The following DSCAM variants were observed in gnomAD, a reference collection of about 807,000 sequenced individuals.
DSCAM encodes the protein DS cell adhesion molecule, also known as cell adhesion molecule DSCAM.
Under a neutral mutation model 217.7 loss-of-function variants are expected in DSCAM, and 47 were observed. That is an observed-to-expected ratio of 0.22 (90% CI 0.17 to 0.28). DSCAM has a LOEUF of 0.28. Ranked by LOEUF, DSCAM falls within the 10% of genes least tolerant of loss-of-function variation. The probability of loss-of-function intolerance (pLI) is 1.00; values close to 1 mark genes in which losing one functional copy is unlikely to be tolerated. For missense variants in DSCAM, 2,080 were observed against 2,618.3 expected (o/e 0.79, Z 4.49); for synonymous variants, 1,056 against 1,015.3 (o/e 1.04, Z -0.76).
chr21:40,175,805 A>ACGCACG (rs1555886103), intron 15 of DSCAM, among the ~76,000 whole-genome samples: 15 of 112,536 alleles, frequency 1.3e-4, no homozygotes, highest in African/African-American at 4.6e-4. Context: ...ACACACACAC[A>ACGCACG]CACGCACACA....
rs35564463 is a variant in DSCAM, at chr21:40,369,385, CGTGTGTGT to C, written c.509-148_509-141del. 1,397 of 385,380 alleles carry C rather than the reference CGTGTGTGT, an allele frequency of 3.6e-3. 2 individuals carry two copies. The highest frequency in any genetic ancestry group is 7.5e-3 in the African/African-American group (348 of 46,270). 23.9% of individuals were successfully genotyped at this position (385,380 alleles called of 1,614,324 possible). On this transcript the variant is annotated intron_variant, in intron 3 of 32. Transcript: ENST00000400454. ...GGCTAAAAATGGGTGCGTGCGTCTG[CGTGTGTGT>C]GTGTGTGTGTGTGTGTGTGTGTGTG...
At chr21:40,457,732 G>A (rs2075775298) in intron 3 of DSCAM, among the ~76,000 whole-genome samples, 1 of 152,158 alleles carries the variant, frequency 6.6e-6, no homozygotes, top group Non-Finnish European at 1.5e-5. Context: ...TATTTACAAT[G>A]TGAATGTGCT....
At chr21:40,578,125 A>G (rs1031738091) in intron 3 of DSCAM, among the ~76,000 whole-genome samples, 9 of 152,220 alleles carry the variant, frequency 5.9e-5, no homozygotes, top group African/African-American at 2.2e-4. Flanking sequence ...GAACAGAAGA[A>G]CCCTCATGCA....
At chr21:40,430,331 T>C (rs1032390022) in intron 3 of DSCAM, among the ~76,000 whole-genome samples, 1 of 152,206 alleles carries the variant, frequency 6.6e-6, no homozygotes, top group Non-Finnish European at 1.5e-5. Context: ...ACAAAGGAGA[T>C]TAACATTTGA....
At chr21:40,485,233 CTTTCT>C (rs1194212992) in intron 3 of DSCAM, among the ~76,000 whole-genome samples, 6 of 132,994 alleles carry the variant, frequency 4.5e-5, no homozygotes, top group African/African-American at 1.2e-4. Context: ...CACTGACTTT[CTTTCT>C]TTTTTTTTTT....
intron 3 of DSCAM, among the ~76,000 whole-genome samples, chr21:40,435,838 T>C (rs1201082280): frequency 1.3e-5 from 2 of 152,212 alleles, no homozygotes; most frequent in African/African-American, 4.8e-5. Context: ...ACCCATTCAA[T>C]AGAAACCATA....
intron 3 of DSCAM, among the ~76,000 whole-genome samples, chr21:40,429,798 T>C (rs879811676): frequency 1.3e-5 from 2 of 152,246 alleles, no homozygotes. Context: ...AATATGTTAC[T>C]TATTTTACTT....
chr21:40,529,062 C>A (rs559559306), intron 3 of DSCAM, among the ~76,000 whole-genome samples: 84 of 152,012 alleles, frequency 5.5e-4, no homozygotes, highest in African/African-American at 1.9e-3. Flanking sequence ...TGCCACCACC[C>A]CCGGCTAATT....
At chr21:40,187,032 G>A in intron 14 of DSCAM, 99 bp downstream of exon 14, 1 of 1,457,498 alleles carries the variant, frequency 6.9e-7, no homozygotes, top group Non-Finnish European at 9.3e-7. Flanking sequence ...GAGCTCCTGT[G>A]AGCTGAGCTG....
intron 3 of DSCAM, among the ~76,000 whole-genome samples, chr21:40,458,759 A>G (rs544368369): frequency 1.3e-5 from 2 of 152,280 alleles, no homozygotes; most frequent in Admixed American, 6.5e-5. Flanking sequence ...CAGATAATTC[A>G]TATTCCTTCC....
At chr21:40,272,863 T>C (rs2073637570) in intron 11 of DSCAM, among the ~76,000 whole-genome samples, 1 of 152,128 alleles carries the variant, frequency 6.6e-6, no homozygotes, top group Non-Finnish European at 1.5e-5. Flanking sequence ...CTCCTTTATA[T>C]CTATTTTTTT....
intron 18 of DSCAM, among the ~76,000 whole-genome samples, chr21:40,136,775 G>C (rs898583281): frequency 1.3e-5 from 2 of 151,998 alleles, no homozygotes; most frequent in Non-Finnish European, 2.9e-5. Flanking sequence ...GTGACCCTCC[G>C]GCAAATACTT....
At chr21:40,655,446 C>CT (rs376852214) in intron 3 of DSCAM, among the ~76,000 whole-genome samples, 20,904 of 138,748 alleles carry the variant, frequency 0.15, 1,843 homozygotes, top group Admixed American at 0.24. Context: ...ATCTGTCTCT[C>CT]TTTTTTTTTT....
chr21:40,839,693 A>C (rs2092084862), intron 1 of DSCAM, among the ~76,000 whole-genome samples: 1 of 151,592 alleles, frequency 6.6e-6, no homozygotes, highest in Non-Finnish European at 1.5e-5. Flanking sequence ...ACGTTAGGGG[A>C]AGCTAGCATT....
intron 20 of DSCAM, among the ~76,000 whole-genome samples, chr21:40,097,986 G>T (rs74982164): frequency 2.3e-5 from 2 of 87,762 alleles, no homozygotes; most frequent in Admixed American, 1.0e-4. Context: ...AAGAAAGAAA[G>T]AAAGAAAGAA....
At chr21:40,049,802 C>T (rs999924386) in intron 30 of DSCAM, among the ~76,000 whole-genome samples, 8 of 152,168 alleles carry the variant, frequency 5.3e-5, no homozygotes, top group African/African-American at 9.6e-5. Context: ...GCTGTGACTC[C>T]GGTTCATGTC....
chr21:40,450,700 T>C (rs1370624847), intron 3 of DSCAM, among the ~76,000 whole-genome samples: 4 of 152,254 alleles, frequency 2.6e-5, no homozygotes, highest in South Asian at 2.1e-4. Flanking sequence ...GGGTCTATGT[T>C]ACATATGATT....
At chr21:40,772,157 A>G (rs1179540750) in intron 1 of DSCAM, among the ~76,000 whole-genome samples, 1 of 152,112 alleles carries the variant, frequency 6.6e-6, no homozygotes, top group African/African-American at 2.4e-5. Context: ...TAGGTTTAAA[A>G]AGTGATTTGT....
intron 3 of DSCAM, among the ~76,000 whole-genome samples, chr21:40,534,850 A>C (rs2076482666): frequency 6.6e-6 from 1 of 152,198 alleles, no homozygotes. Flanking sequence ...GTACAGAATG[A>C]CATCAAATCA....
Sources: gnomAD v4.1 joint callset for allele counts (sites outside exome capture counted in the v4.1 genomes callset) on GRCh38, gnomAD v4.1.1 for gene constraint, MANE v1.5 for transcripts, NCBI Gene and HGNC (gene_info 2026-07-23, HGNC 2026-07-21) for gene names.